The following NTRK3 variants were observed in gnomAD, a reference collection of about 807,000 sequenced individuals.
The protein encoded by NTRK3 is neurotrophic receptor tyrosine kinase 3.
A neutral mutation model predicts 91.7 loss-of-function variants in NTRK3; 24 were observed. The ratio of observed to expected loss-of-function variants is 0.26; its 90% CI spans 0.19 to 0.37. The LOEUF (loss-of-function observed/expected upper bound fraction) is 0.37. NTRK3 is among the 10% of genes least tolerant of loss of function. NTRK3 has a pLI of 1.00. For missense variants in NTRK3, 880 were observed against 1,068.9 expected, an observed-to-expected ratio of 0.82 and a Z score of 2.46; for synonymous variants, 483 against 404.0, an observed-to-expected ratio of 1.20 and a Z score of -2.34.
intron 5 of NTRK3, among the ~76,000 whole-genome samples, chr15:88,182,679 C>T (rs1328411761): frequency 6.6e-6 from 1 of 152,162 alleles, no homozygotes; most frequent in African/African-American, 2.4e-5. Context: ...GTTGGCACTT[C>T]CCCTAATCAC....
intron 3 of NTRK3, among the ~76,000 whole-genome samples, chr15:88,200,824 C>T (rs538765294): frequency 5.9e-5 from 9 of 152,324 alleles, no homozygotes; most frequent in Non-Finnish European, 8.8e-5. Flanking sequence ...CTACTGGAAG[C>T]GCCTTAGCAA....
chr15:87,889,962 A>ATTTATTTATTTAT (rs1555430508), intron 17 of NTRK3, among the ~76,000 whole-genome samples: 1 of 146,308 alleles, frequency 6.8e-6, no homozygotes, highest in African/African-American at 2.7e-5. Context: ...TTATTTATTT[A>ATTTATTTATTTAT]TTTATTTATT....
rs148575808 is a variant in NTRK3 at position 88,238,703 on chromosome 15, T to C, written c.248+17203A>G. Among the ~76,000 whole-genome samples, 390 of 152,388 alleles carry C rather than the reference T, an allele frequency of 2.6e-3. 1 individual carries two copies. Among genetic ancestry groups the C allele is most frequent in the African/African-American group, 9.0e-3 (375 of 41,596 alleles). ...GCATTATGTTTTCAAAATATAGCCA[T>C]GTTACCACACAGAGAACAAGGTTTT... On this transcript the variant is annotated intron_variant, in intron 3 of 18. Transcript: ENST00000394480.
intron 13 of NTRK3, among the ~76,000 whole-genome samples, chr15:88,055,726 T>A (rs2045618422): frequency 6.6e-6 from 1 of 152,142 alleles, no homozygotes; most frequent in Non-Finnish European, 1.5e-5. Flanking sequence ...TCCAGTGTAT[T>A]CACCCAATAC....
At chr15:88,206,685 C>T (rs1420852701) in intron 3 of NTRK3, among the ~76,000 whole-genome samples, 1 of 148,980 alleles carries the variant, frequency 6.7e-6, no homozygotes, top group South Asian at 2.1e-4. Context: ...AAACAAACCT[C>T]TCCAGAAACC....
intron 13 of NTRK3, chr15:88,072,517 G>A (rs1448228323): frequency 4.3e-6 from 1 of 232,386 alleles, no homozygotes; most frequent in Non-Finnish European, 8.5e-6. Flanking sequence ...TCTTTCCGTT[G>A]TTGTTTTTCA....
intron 14 of NTRK3, among the ~76,000 whole-genome samples, chr15:88,001,231 G>A (rs756330412): frequency 4.6e-5 from 7 of 151,854 alleles, no homozygotes; most frequent in Non-Finnish European, 7.4e-5. Context: ...TATATATTCT[G>A]GATACTACTC....
chr15:88,220,763 G>A (rs549383002), intron 3 of NTRK3, among the ~76,000 whole-genome samples: 1 of 152,120 alleles, frequency 6.6e-6, no homozygotes, highest in South Asian at 2.1e-4. Context: ...TGTCCCTCAA[G>A]CCAGAGGAAT....
chr15:87,872,546 G>A (rs1363949256), exon 19 of NTRK3: 4 of 229,752 alleles, frequency 1.7e-5, no homozygotes, highest in Admixed American at 5.7e-5. Context: ...TCTGCCAAGT[G>A]TTAGCATGTT....
chr15:88,147,472 C>T (rs2151315297), intron 5 of NTRK3, 69 bp from the exon 6 acceptor site: 1 of 1,291,060 alleles, frequency 7.7e-7, no homozygotes, highest in South Asian at 1.2e-5. Context: ...AGGTAGTAAG[C>T]TTAATCATTT....
At chr15:88,139,588 T>C (rs982937001) in intron 6 of NTRK3, among the ~76,000 whole-genome samples, 4 of 152,148 alleles carry the variant, frequency 2.6e-5, no homozygotes, top group Admixed American at 2.0e-4. Flanking sequence ...AAAAGTACTC[T>C]CTGCACATGG....
At chr15:87,860,497 T>C (rs1369399108) in exon 19 of NTRK3, 2 of 201,562 alleles carry the variant, frequency 9.9e-6, no homozygotes, top group African/African-American at 2.3e-5. Context: ...TTTTTTTACA[T>C]AAATGACACC....
intron 5 of NTRK3, among the ~76,000 whole-genome samples, chr15:88,159,943 TACACACACACACACACACACAC>T (rs59254719): frequency 6.2e-5 from 7 of 112,046 alleles, no homozygotes; most frequent in Admixed American, 1.8e-4. Flanking sequence ...CCCAGCCTCC[TACACACACACACACACACACAC>T]ACACACACAC....
chr15:87,917,225 C>T (rs187047291), intron 17 of NTRK3, among the ~76,000 whole-genome samples: 2 of 152,214 alleles, frequency 1.3e-5, no homozygotes, highest in African/African-American at 4.8e-5. Context: ...GAGAACTTCC[C>T]ACTTCTAAAG....
chr15:88,085,943 G>A (rs946815053), intron 13 of NTRK3, among the ~76,000 whole-genome samples: 2 of 152,232 alleles, frequency 1.3e-5, no homozygotes, highest in African/African-American at 2.4e-5. Flanking sequence ...AAGAGAAAAT[G>A]ATAGTATGTG....
chr15:88,041,323 G>C (rs145060367), intron 13 of NTRK3, among the ~76,000 whole-genome samples: 2 of 152,276 alleles, frequency 1.3e-5, no homozygotes, highest in Non-Finnish European at 2.9e-5. Flanking sequence ...AAGTAGGGTT[G>C]GGGGGCAGCA....
intron 10 of NTRK3, 58 bp downstream of exon 10, chr15:88,135,043 A>AT (rs2151188685): frequency 6.3e-7 from 1 of 1,594,002 alleles, no homozygotes; most frequent in Admixed American, 1.7e-5. Flanking sequence ...ACCATGCCCC[A>AT]TCTCCCAAGC....
At chr15:88,151,986 T>C (rs561492365) in intron 5 of NTRK3, among the ~76,000 whole-genome samples, 96 of 152,318 alleles carry the variant, frequency 6.3e-4, no homozygotes, top group Non-Finnish European at 1.2e-3. Context: ...CTGAATTTCA[T>C]TCCTTCAAAA....
At chr15:87,974,091 C>T (rs919135249) in intron 14 of NTRK3, among the ~76,000 whole-genome samples, 1 of 152,170 alleles carries the variant, frequency 6.6e-6, no homozygotes, top group African/African-American at 2.4e-5. Flanking sequence ...ATCTGAGATG[C>T]TTGATCCTTT....
Sources: gnomAD v4.1 joint callset for allele counts (sites outside exome capture counted in the v4.1 genomes callset) on GRCh38, gnomAD v4.1.1 for gene constraint, MANE v1.5 for transcripts, NCBI Gene and HGNC (gene_info 2026-07-23, HGNC 2026-07-21) for gene names.